The following MAPK10 variants were observed in gnomAD, a reference collection of about 807,000 sequenced individuals.
MAPK10 encodes the protein mitogen-activated protein kinase 10.
MAPK10 carries 25 observed loss-of-function variants against 59.3 expected under a neutral mutation model. That is an observed-to-expected ratio of 0.42 (90% CI 0.31 to 0.59). The LOEUF (loss-of-function observed/expected upper bound fraction) is 0.59, where lower values mean the gene tolerates loss of function less well. Among genes scored for constraint, MAPK10 ranks in the 20% least tolerant of loss-of-function variants. MAPK10 has a pLI of 0.15. For missense variants in MAPK10, 351 were observed against 568.9 expected (o/e 0.62, Z 3.90); for synonymous variants, 190 against 200.5 (o/e 0.95, Z 0.44).
chr4:86,476,271 G>T (rs752144885), intron 1 of MAPK10, among the ~76,000 whole-genome samples: 4 of 151,894 alleles, frequency 2.6e-5, no homozygotes, highest in Non-Finnish European at 5.9e-5. Flanking sequence ...CTCAGCTTCT[G>T]CTCCCCCACC....
chr4:86,110,014 G>T (rs1216841156), intron 4 of MAPK10, among the ~76,000 whole-genome samples: 4 of 152,102 alleles, frequency 2.6e-5, no homozygotes, highest in African/African-American at 7.2e-5. Flanking sequence ...TTTGTTGGCT[G>T]CATAAATGTC....
At chr4:86,110,522 G>T (rs1375754838) in intron 4 of MAPK10, among the ~76,000 whole-genome samples, 1 of 152,164 alleles carries the variant, frequency 6.6e-6, no homozygotes, top group African/African-American at 2.4e-5. Flanking sequence ...ATTTGTCAAA[G>T]ATCAGATGGT....
At chr4:86,127,204 TAA>T (rs5860018) in intron 4 of MAPK10, among the ~76,000 whole-genome samples, 2,731 of 136,618 alleles carry the variant, frequency 0.02, 36 homozygotes, top group East Asian at 0.047. Flanking sequence ...TTAGCTTAAT[TAA>T]AAAAAAAAAA....
At chr4:86,414,981 T>TA (rs1036597552) in intron 1 of MAPK10, among the ~76,000 whole-genome samples, 5 of 151,604 alleles carry the variant, frequency 3.3e-5, no homozygotes, top group Admixed American at 1.3e-4. Flanking sequence ...CTACAACAAA[T>TA]AAAAAAATTA....
At position 86,174,674 on chromosome 4, in the gene MAPK10, C is replaced by T. The variant is rs544745866; in HGVS notation, c.67-15207G>A. ...TTCTCTTTCCACAGTGGTGTTTTAG[C>T]TCGTGCATCACAGGATGACTAAACT... On this transcript the variant is annotated intron_variant, in intron 3 of 13. Transcript: ENST00000641462. Among the ~76,000 whole-genome samples, 183 of 152,226 alleles carry T rather than the reference C, an allele frequency of 1.2e-3. 10 individuals are homozygous for T. In the South Asian group the frequency reaches 0.034, roughly 29 times the overall value.
intron 4 of MAPK10, among the ~76,000 whole-genome samples, chr4:86,115,487 G>C (rs1475457935): frequency 6.6e-6 from 1 of 151,926 alleles, no homozygotes; most frequent in South Asian, 2.1e-4. Flanking sequence ...TTTTTGGACA[G>C]TTTTGCTCTT....
chr4:86,514,634 A>T (rs1167868383), intron 1 of MAPK10, among the ~76,000 whole-genome samples: 1 of 152,232 alleles, frequency 6.6e-6, no homozygotes, highest in East Asian at 1.9e-4. Flanking sequence ...TGTATATTAC[A>T]GCTTAAATAA....
chr4:86,521,317 C>T lies in MAPK10; in HGVS notation c.-263+72593G>A, dbSNP rs148261212. On this transcript the variant is annotated intron_variant, in intron 1 of 4. Transcript: ENST00000502302. ...TACCCTATGTTGGCCAGAATGAGTA[C>T]TTGGGTTTCTCAGGCAATGGGTAGG... Among the ~76,000 whole-genome samples the T allele has an allele frequency of 3.4e-3, 510 of 152,212 alleles. 1 individual carries two copies. The highest frequency in any genetic ancestry group is 0.012 in the African/African-American group (493 of 41,514).
chr4:86,192,481 T>G (rs2149311977), intron 3 of MAPK10: 1 of 152,096 alleles, frequency 6.6e-6, no homozygotes, highest in South Asian at 2.1e-4. Context: ...TTTTCATTCT[T>G]TTTTCTCTAA....
At chr4:86,215,579 T>C (rs1346427033) in intron 2 of MAPK10, among the ~76,000 whole-genome samples, 1 of 152,180 alleles carries the variant, frequency 6.6e-6, no homozygotes, top group African/African-American at 2.4e-5. Context: ...ATATTCAAGT[T>C]GGCAGGGCAC....
intron 1 of MAPK10, among the ~76,000 whole-genome samples, chr4:86,397,376 T>C (rs763104442): frequency 2.0e-4 from 31 of 152,182 alleles, no homozygotes; most frequent in Non-Finnish European, 1.8e-4. Flanking sequence ...CTCTACTCCA[T>C]GGAGTCTGAC....
At chr4:86,179,450 A>T (rs1184948448) in intron 3 of MAPK10, among the ~76,000 whole-genome samples, 1 of 152,142 alleles carries the variant, frequency 6.6e-6, no homozygotes, top group African/African-American at 2.4e-5. Flanking sequence ...TACACATTCA[A>T]TGTAACGCCT....
chr4:86,353,731 G>A (rs1181322154), intron 2 of MAPK10, among the ~76,000 whole-genome samples: 1 of 152,108 alleles, frequency 6.6e-6, no homozygotes, highest in Non-Finnish European at 1.5e-5. Context: ...TAAGCCACTA[G>A]GCAAATGAAA....
At chr4:86,038,735 G>T (rs2040873747) in intron 11 of MAPK10, among the ~76,000 whole-genome samples, 1 of 151,890 alleles carries the variant, frequency 6.6e-6, no homozygotes, top group South Asian at 2.1e-4. Flanking sequence ...TATTCTCTGT[G>T]GCACCAACAG....
intron 1 of MAPK10, among the ~76,000 whole-genome samples, chr4:86,522,468 A>C (rs574517496): frequency 6.6e-6 from 1 of 152,322 alleles, no homozygotes; most frequent in South Asian, 2.1e-4. Context: ...TACGTTTAAC[A>C]CAGTTCCTAT....
intron 2 of MAPK10, among the ~76,000 whole-genome samples, chr4:86,334,491 C>G (rs1465390461): frequency 6.6e-6 from 1 of 152,140 alleles, no homozygotes; most frequent in African/African-American, 2.4e-5. Flanking sequence ...ACTAATATGG[C>G]CCACAGAGCT....
At chr4:86,405,520 T>C (rs888133898) in intron 1 of MAPK10, among the ~76,000 whole-genome samples, 1 of 152,156 alleles carries the variant, frequency 6.6e-6, no homozygotes. Flanking sequence ...AGGAACCAAA[T>C]ACAAATTTCA....
chr4:86,423,303 C>G (rs1208152565), intron 1 of MAPK10, among the ~76,000 whole-genome samples: 1 of 152,140 alleles, frequency 6.6e-6, no homozygotes, highest in African/African-American at 2.4e-5. Context: ...CAATGGCCTT[C>G]CCATTCTTAA....
intron 2 of MAPK10, among the ~76,000 whole-genome samples, chr4:86,344,072 G>A (rs1219749832): frequency 6.6e-6 from 1 of 152,180 alleles, no homozygotes; most frequent in African/African-American, 2.4e-5. Flanking sequence ...TAAAACATTT[G>A]AGAATTACTG....
Sources: allele counts gnomAD v4.1 joint callset (sites outside exome capture counted in the v4.1 genomes callset), GRCh38; gene constraint gnomAD v4.1.1; transcripts MANE v1.5; gene names NCBI Gene and HGNC (gene_info 2026-07-23, HGNC 2026-07-21).